SIK3: variants seen among roughly 807,000 people sequenced by gnomAD.
SIK3 encodes the protein serine/threonine-protein kinase SIK3.
A neutral mutation model predicts 144.2 loss-of-function variants in SIK3; 28 were observed. The ratio of observed to expected loss-of-function variants is 0.19; its 90% confidence interval spans 0.14 to 0.27. The LOEUF (loss-of-function observed/expected upper bound fraction) is 0.27, where lower values mean the gene tolerates loss of function less well. Among genes scored for constraint, SIK3 ranks in the 10% least tolerant of loss-of-function variants. The pLI is 1.00. For missense variants in SIK3, 1,319 were observed against 1,776.0 expected (o/e 0.74, Z 4.62); for synonymous variants, 686 against 676.3 (o/e 1.01, Z -0.22).
At chr11:116,972,079 T>A (rs1457099816) in intron 1 of SIK3, among the ~76,000 whole-genome samples, 1 of 140,652 alleles carries the variant, frequency 7.1e-6, no homozygotes, top group African/African-American at 2.8e-5. Context: ...AGAGCGAGAC[T>A]CGGTCTCAAA....
At chr11:117,055,855 C>G (rs1391020503) in intron 1 of SIK3, among the ~76,000 whole-genome samples, 1 of 152,188 alleles carries the variant, frequency 6.6e-6, no homozygotes, top group Non-Finnish European at 1.5e-5. Context: ...GCCCTTCTGC[C>G]TTCTGCCATG....
intron 1 of SIK3, among the ~76,000 whole-genome samples, chr11:116,961,028 T>C (rs1230143833): frequency 6.6e-6 from 1 of 152,186 alleles, no homozygotes; most frequent in African/African-American, 2.4e-5. Flanking sequence ...CGCCAGCTGA[T>C]GTGGGAAGAA....
In SIK3 at chr11:116,863,742, C is replaced by A; in HGVS notation, c.2029G>T (p.Ala677Ser). 1 of 1,614,152 alleles carries A rather than the reference C, an allele frequency of 6.2e-7. No individual in the cohort carries two copies. The highest frequency in any genetic ancestry group is 8.5e-7 in the Non-Finnish European group (1 of 1,180,030). The change falls in exon 16 of 25, where the codon GCT becomes TCT. Residue 677 changes from alanine (A) to serine (S), a missense_variant. By Grantham distance (99) the Ala-to-Ser change is moderately conservative. Around this residue, in one of 8 missense-constraint regions of SIK3, gnomAD observed 77 missense variants for 141.9 expected, o/e 0.54. Transcript: ENST00000445177. ...FSPVRRFSDG[A>S]ASIQAFKAHL... The stretch of plus-strand genomic sequence containing the variant: ...GCTTTGAAGGCCTGGATGCTCGCAG[C>A]CCCATCTGAGAACCGGCGCACAGGG...
chr11:117,014,242 C>T (rs1951425062), intron 1 of SIK3, among the ~76,000 whole-genome samples: 2 of 151,794 alleles, frequency 1.3e-5, no homozygotes, highest in Admixed American at 1.3e-4. Context: ...AGTCTTACAT[C>T]TCTTAGTATC....
Position 117,087,492 on chromosome 11 carries a change from T to G in SIK3, c.273+10651A>C, listed in dbSNP as rs191066969. ...AATTCTTGTCATTCCTCTTCCAGGT[T>G]TGGTACAGGGAAAGATGGATTACAC... On this transcript the variant is annotated intron_variant, in intron 1 of 24. Transcript: ENST00000445177. 5.3e-5 allele frequency among the ~76,000 whole-genome samples: 8 copies of G among 152,270 alleles called. 1 individual carries two copies. In the East Asian group the frequency reaches 1.5e-3, roughly 29 times the overall value.
At chr11:117,010,763 A>C (rs1040996108) in intron 1 of SIK3, among the ~76,000 whole-genome samples, 1 of 152,262 alleles carries the variant, frequency 6.6e-6, no homozygotes, top group Non-Finnish European at 1.5e-5. Context: ...AAAGAAAAAA[A>C]TATATGTAAA....
rs1481939876 is a variant in SIK3 at position 116,954,035 on chromosome 11, T to C, written c.454+9A>G. 2 of 1,611,830 alleles carry C rather than the reference T, an allele frequency of 1.2e-6. No homozygotes were observed. The highest frequency in any genetic ancestry group is 2.7e-5 in the African/African-American group (2 of 74,878). ...ATAGCTGTTTAAAGAATGCAATAAATGTACTTACCAAATATTTCCCCTCCA... is the reference window on the plus strand; with the variant it reads ...ATAGCTGTTTAAAGAATGCAATAAACGTACTTACCAAATATTTCCCCTCCA... On this transcript the variant is annotated intron_variant, in intron 3 of 24. Coordinates refer to ENST00000445177, the MANE Select transcript of SIK3 (RefSeq NM_001366686.3).
At chr11:116,881,225 G>C (rs1231253432) in intron 6 of SIK3, among the ~76,000 whole-genome samples, 1 of 152,152 alleles carries the variant, frequency 6.6e-6, no homozygotes, top group East Asian at 1.9e-4. Context: ...AAATGAAACT[G>C]AACCACTTTG....
intron 1 of SIK3, among the ~76,000 whole-genome samples, chr11:117,005,068 A>G (rs1191965128): frequency 6.6e-6 from 1 of 152,156 alleles, no homozygotes; most frequent in African/African-American, 2.4e-5. Context: ...TGTTTTTCCT[A>G]CTATATCATT....
At chr11:116,877,536 G>T (rs1469130742) in intron 6 of SIK3, among the ~76,000 whole-genome samples, 1 of 152,152 alleles carries the variant, frequency 6.6e-6, no homozygotes, top group East Asian at 1.9e-4. Context: ...CAAGGTGTGT[G>T]GGGAGAGAGC....
At chr11:117,089,272 C>T (rs1447375958) in intron 1 of SIK3, among the ~76,000 whole-genome samples, 3 of 151,822 alleles carry the variant, frequency 2.0e-5, no homozygotes, top group East Asian at 3.9e-4. Flanking sequence ...CTGGGCGTGG[C>T]GGCAGGCGCC....
intron 1 of SIK3, among the ~76,000 whole-genome samples, chr11:117,055,223 C>T (rs564361699): frequency 9.2e-5 from 14 of 152,090 alleles, no homozygotes; most frequent in Non-Finnish European, 1.8e-4. Context: ...TATTTTTGTA[C>T]GAACTTAAGC....
chr11:117,092,040 C>T (rs1955271707), intron 1 of SIK3, among the ~76,000 whole-genome samples: 1 of 152,108 alleles, frequency 6.6e-6, no homozygotes, highest in South Asian at 2.1e-4. Flanking sequence ...GCCTCATGCC[C>T]CCCCAAAGCA....
chr11:117,060,363 G>A (rs1196236151), intron 1 of SIK3, among the ~76,000 whole-genome samples: 5 of 152,148 alleles, frequency 3.3e-5, no homozygotes, highest in South Asian at 2.1e-4. Flanking sequence ...TTGAGAGGCC[G>A]AGGCAGGCGG....
At chr11:116,965,137 C>T (rs1180044977) in intron 1 of SIK3, among the ~76,000 whole-genome samples, 1 of 152,034 alleles carries the variant, frequency 6.6e-6, no homozygotes, top group Non-Finnish European at 1.5e-5. Context: ...ACTTGAAATT[C>T]AAGATATAGA....
At chr11:116,988,103 A>G (rs562246496) in intron 1 of SIK3, among the ~76,000 whole-genome samples, 29 of 152,342 alleles carry the variant, frequency 1.9e-4, no homozygotes, top group Non-Finnish European at 2.4e-4. Context: ...CAAAATAAAG[A>G]GATCCTGGTG....
intron 1 of SIK3, among the ~76,000 whole-genome samples, chr11:117,031,286 T>C (rs534928116): frequency 1.3e-4 from 19 of 151,950 alleles, no homozygotes; most frequent in African/African-American, 3.9e-4. Flanking sequence ...TAGTTTTATG[T>C]TTTACATTTA....
At chr11:117,011,074 T>C (rs909132230) in intron 1 of SIK3, among the ~76,000 whole-genome samples, 14 of 152,032 alleles carry the variant, frequency 9.2e-5, no homozygotes, top group African/African-American at 2.7e-4. Flanking sequence ...GAGCCAAGAT[T>C]GCGCCACTGC....
At chr11:117,047,978 A>G (rs796416247) in intron 1 of SIK3, among the ~76,000 whole-genome samples, 26 of 152,278 alleles carry the variant, frequency 1.7e-4, no homozygotes, top group African/African-American at 6.3e-4. Context: ...CCTGCCATTC[A>G]TCTTAATATT....
Sources: allele counts gnomAD v4.1 joint callset (sites outside exome capture counted in the v4.1 genomes callset), GRCh38; gene constraint gnomAD v4.1.1; regional missense constraint gnomAD v4.1.1; transcripts MANE v1.5; gene names NCBI Gene and HGNC (gene_info 2026-07-23, HGNC 2026-07-21).